Variants in DSC2 observed in about 807,000 individuals in gnomAD.
DSC2 encodes the protein desmocollin-2.
A neutral mutation model predicts 87.6 loss-of-function variants in DSC2; 51 were observed. That is an observed-to-expected ratio of 0.58 (90% CI 0.46 to 0.74). The LOEUF is 0.74. Among genes scored for constraint, DSC2 ranks in the 30% least tolerant of loss-of-function variants. DSC2 has a pLI of 0.00. For synonymous variants in DSC2, 383 were observed against 393.2 expected (o/e 0.97, Z 0.31); for missense variants, 1,066 against 1,089.5 (o/e 0.98, Z 0.30).
chr18:31,059,630 T>C lies in DSC2; in HGVS notation c.*8385A>G, dbSNP rs1986462959. 6.6e-6 allele frequency: 1 copy of C among 152,170 alleles called. No individual in the cohort carries two copies. Among genetic ancestry groups the C allele is most frequent in the African/African-American group, 2.4e-5 (1 of 41,456 alleles). 9.4% of individuals were successfully genotyped at this position (152,170 alleles called of 1,614,324 possible). On this transcript the variant is annotated 3_prime_UTR_variant, in exon 16 of 16. Coordinates refer to ENST00000280904, the MANE Select transcript of DSC2 (RefSeq NM_024422.6). ...CCTCAATGTTATAAATTATAAATGCTTGTGGTAAAATGAAAACATGGAAAC... is the reference window on the plus strand; with the variant it reads ...CCTCAATGTTATAAATTATAAATGCCTGTGGTAAAATGAAAACATGGAAAC...
intron 1 of DSC2, chr18:31,101,096 TG>T: frequency 1.4e-6 from 1 of 711,704 alleles, no homozygotes; most frequent in Non-Finnish European, 1.7e-6. Flanking sequence ...GGGGGGCGGG[TG>T]GTGAGCAGAA....
At chr18:31,100,133 T>C (rs1199974745) in intron 1 of DSC2, among the ~76,000 whole-genome samples, 1 of 152,204 alleles carries the variant, frequency 6.6e-6, no homozygotes, top group Non-Finnish European at 1.5e-5. Flanking sequence ...TGGCAGGGCT[T>C]TGCACAGATG....
At chr18:31,091,371 A>T (rs1167104749) in intron 3 of DSC2, among the ~76,000 whole-genome samples, 1 of 152,140 alleles carries the variant, frequency 6.6e-6, no homozygotes, top group Non-Finnish European at 1.5e-5. Context: ...GATTTGGTGG[A>T]AATATGGAAG....
At position 31,069,011 on chromosome 18, in the gene DSC2, G is replaced by C; in HGVS notation, c.2391C>G (p.Cys797Trp). 1 of 1,614,040 alleles carries C rather than the reference G, an allele frequency of 6.2e-7. No individual in the cohort carries two copies. Among genetic ancestry groups the C allele is most frequent in the Admixed American group, 1.7e-5 (1 of 60,002 alleles). ...GGGTGTGATGGTGGCCAGCCCCCCG[G>C]CAGGATTCCGAGGTCTGGTGTCCTC... ...VKGGHQTSES[C>W]RGAGHHHTLD... The change falls in exon 15 of 16, where the codon TGC becomes TGG. Residue 797 changes from cysteine to tryptophan, a missense_variant. Coordinates refer to ENST00000280904, the MANE Select transcript of DSC2 (RefSeq NM_024422.6).
chr18:31,098,590 G>A (rs1291838690), intron 1 of DSC2, among the ~76,000 whole-genome samples: 1 of 151,942 alleles, frequency 6.6e-6, no homozygotes, highest in Non-Finnish European at 1.5e-5. Flanking sequence ...AAGTAGATGG[G>A]ATTATAGGTA....
chr18:31,080,489 C>A (rs528899180), intron 9 of DSC2, 137 bp from the exon 10 acceptor site: 1 of 1,060,554 alleles, frequency 9.4e-7, no homozygotes, highest in East Asian at 2.6e-5. Context: ...AAACATATAT[C>A]CAGTGATATG....
chr18:31,068,601 T>C (rs933890045), intron 15 of DSC2, among the ~76,000 whole-genome samples: 4 of 152,110 alleles, frequency 2.6e-5, no homozygotes, highest in African/African-American at 9.7e-5. Context: ...ACATTTTTGG[T>C]TTCTAAGGTA....
In DSC2 at chr18:31,079,994, T is replaced by C. The variant is rs397517392; in HGVS notation, c.1521-5A>G. ...GGATCAGTTAATTTCTTATACCTGT[T>C]GGTAATGATGAATTAAAATAATAAA... is the stretch of plus-strand genomic sequence containing the variant. On this transcript the variant is annotated splice_polypyrimidine_tract_variant and splice_region_variant and intron_variant, in intron 10 of 15. Transcript: ENST00000280904. The C allele has an allele frequency of 1.6e-5, 25 of 1,612,720 alleles. No homozygotes were observed. The highest frequency in any genetic ancestry group is 2.7e-5 in the African/African-American group (2 of 74,886).
chr18:31,092,441 C>T, intron 2 of DSC2, 141 bp from the exon 3 acceptor site: 1 of 701,096 alleles, frequency 1.4e-6, no homozygotes, highest in Non-Finnish European at 2.5e-6. Flanking sequence ...ACACATAAAA[C>T]TATATGGTGA....
Position 31,063,322 on chromosome 18 carries a change from T to G in DSC2, c.*4693A>C, listed in dbSNP as rs1598565623. 6.9e-6 allele frequency: 1 copy of G among 144,040 alleles called. No homozygotes were observed. Among genetic ancestry groups the G allele is most frequent in the African/African-American group, 2.6e-5 (1 of 38,428 alleles). 8.9% of individuals were successfully genotyped at this position (144,040 alleles called of 1,614,324 possible). A position where few individuals can be genotyped will look rare whatever the true frequency, so the allele number is the denominator to read the frequency against. On this transcript the variant is annotated 3_prime_UTR_variant, in exon 16 of 16. Transcript: ENST00000280904. ...CTCCAGCCTAGGTGACAGAGTGAGA[T>G]TCCGTCTCAAAAAAAAAAAAAAAAA...
intron 13 of DSC2, 46 bp downstream of exon 13, chr18:31,071,559 A>C: frequency 9.8e-6 from 15 of 1,534,434 alleles, no homozygotes; most frequent in Non-Finnish European, 1.3e-5. Flanking sequence ...CTTGAAAGTT[A>C]CTTTAAAGGG....
chr18:31,098,128 T>G (rs1019801944), intron 1 of DSC2, among the ~76,000 whole-genome samples: 2 of 152,202 alleles, frequency 1.3e-5, no homozygotes, highest in Non-Finnish European at 2.9e-5. Flanking sequence ...TTTTTCGCCA[T>G]GAAGAAGTAT....
rs1986585262 is a variant in DSC2 at position 31,065,209 on chromosome 18, G to A, written c.*2806C>T. 1 of 152,198 alleles carries A rather than the reference G, an allele frequency of 6.6e-6. No individual in the cohort carries two copies. The highest frequency in any genetic ancestry group is 2.4e-5 in the African/African-American group (1 of 41,444). The allele number at this position is 152,198 out of a possible 1,614,324, so 9.4% of individuals were successfully genotyped here. A position where few individuals can be genotyped will look rare whatever the true frequency, so the allele number is the denominator to read the frequency against. On this transcript the variant is annotated 3_prime_UTR_variant, in exon 16 of 16. Transcript: ENST00000280904. ...ACTATGAGCCATGAAATTCCCAAAG[G>A]CCATCACTGGTGAAATACTGGTCGG...
At chr18:31,075,881 A>G (rs1246803139) in intron 11 of DSC2, among the ~76,000 whole-genome samples, 1 of 151,996 alleles carries the variant, frequency 6.6e-6, no homozygotes, top group African/African-American at 2.4e-5. Context: ...AAGAAAAGAA[A>G]AGAAAGAAAG....
chr18:31,074,434 T>TGC (rs1555637950), intron 12 of DSC2, among the ~76,000 whole-genome samples: 2 of 73,164 alleles, frequency 2.7e-5, no homozygotes, highest in African/African-American at 1.0e-4. Flanking sequence ...TGTGTGTGTG[T>TGC]GTGTGTGTGT....
chr18:31,082,862 A>T (rs1987271849), intron 8 of DSC2, 64 bp downstream of exon 8: 6 of 1,572,930 alleles, frequency 3.8e-6, no homozygotes, highest in Non-Finnish European at 5.2e-6. Context: ...CAGGCCAGAG[A>T]TGTGCATATT....
chr18:31,092,507 AAAG>A (rs1244050062), intron 2 of DSC2, among the ~76,000 whole-genome samples: 1 of 152,198 alleles, frequency 6.6e-6, no homozygotes, highest in African/African-American at 2.4e-5. Flanking sequence ...ACATTCTCTT[AAAG>A]AAGAGACATT....
intron 11 of DSC2, 149 bp from the exon 12 acceptor site, chr18:31,075,056 T>C: frequency 1.2e-6 from 1 of 833,350 alleles, no homozygotes. Context: ...TCAGGGAATG[T>C]TACAAGAAAA....
rs535732775 is a variant in DSC2, at chr18:31,063,894, T to C, written c.*4121A>G. On this transcript the variant is annotated 3_prime_UTR_variant, in exon 16 of 16. Coordinates refer to ENST00000280904, the MANE Select transcript of DSC2 (RefSeq NM_024422.6). ...GTGATTTTGTGTTTAGAATTTATCC[T>C]CTAAAACCCTATAGAAAGCTCTTAG... 1.3e-5 allele frequency: 2 copies of C among 152,304 alleles called. No individual in the cohort carries two copies. Among genetic ancestry groups the C allele is most frequent in the South Asian group, 4.1e-4 (2 of 4,830 alleles). 9.4% of individuals were successfully genotyped at this position (152,304 alleles called of 1,614,324 possible). A position where few individuals can be genotyped will look rare whatever the true frequency, so the allele number is the denominator to read the frequency against.
Sources: allele counts gnomAD v4.1 joint callset (sites outside exome capture counted in the v4.1 genomes callset), GRCh38; gene constraint gnomAD v4.1.1; transcripts MANE v1.5; gene names NCBI Gene and HGNC (gene_info 2026-07-23, HGNC 2026-07-21).